The following SIRT4 variants were observed in gnomAD, a reference collection of about 807,000 sequenced individuals.
SIRT4 encodes the protein sirtuin 4, also known as NAD-dependent protein lipoamidase sirtuin-4, mitochondrial.
Under a neutral mutation model 26.1 loss-of-function variants are expected in SIRT4, and 23 were observed. The observed-to-expected ratio is 0.88, with a 90% CI of 0.63 to 1.25. The LOEUF is 1.25. SIRT4 is among the 50% of genes most tolerant of loss of function. The probability of loss-of-function intolerance (pLI) is 0.00; values close to 1 mark genes in which losing one functional copy is unlikely to be tolerated. For missense variants in SIRT4, 361 were observed against 405.4 expected (o/e 0.89, Z 0.94); for synonymous variants, 155 against 158.4 (o/e 0.98, Z 0.16).
upstream of SIRT4, among the ~76,000 whole-genome samples, chr12:120,300,237 A>G (rs1872495969): frequency 6.6e-6 from 1 of 151,790 alleles, no homozygotes; most frequent in African/African-American, 2.4e-5. Flanking sequence ...AACTGCAGTG[A>G]GCTGTGATGT....
intron 2 of SIRT4, among the ~76,000 whole-genome samples, chr12:120,311,735 C>CAA (rs10612543): frequency 5.4e-5 from 3 of 55,076 alleles, no homozygotes; most frequent in Non-Finnish European, 8.9e-5. Flanking sequence ...AACTTGCTCT[C>CAA]AAAAAAAAAA....
In SIRT4 at chr12:120,303,847, G is replaced by C; in HGVS notation, c.286G>C (p.Val96Leu). Residue 96 changes from valine (V) to leucine (L), a missense_variant, in exon 2 of 4, where the codon GTC becomes CTC. By Grantham distance (32) the Val-to-Leu change is conservative. Coordinates refer to ENST00000202967, the MANE Select transcript of SIRT4 (RefSeq NM_012240.3). Reference protein sequence around the residue: ...DRRPIQHGDFVRSAPIRQRYW... With the variant: ...DRRPIQHGDFLRSAPIRQRYW... ...CAGGCCCATCCAGCATGGTGATTTT[G>C]TCCGGAGTGCCCCAATCCGCCAGCG... 1 of 1,614,176 alleles carries C rather than the reference G, an allele frequency of 6.2e-7. No homozygotes were observed. Among genetic ancestry groups the C allele is most frequent in the Non-Finnish European group, 8.5e-7 (1 of 1,180,020 alleles).
At chr12:120,308,186 T>G (rs1872819116) in intron 2 of SIRT4, among the ~76,000 whole-genome samples, 2 of 102,928 alleles carry the variant, frequency 1.9e-5, no homozygotes, top group Non-Finnish European at 4.2e-5. Flanking sequence ...TTTTTTTTTT[T>G]GAAACACAGT....
the SIRT4 span, chr12:120,291,865 T>C: frequency 4.6e-5 from 7 of 152,286 alleles, no homozygotes; most frequent in African/African-American, 1.4e-4. Context: ...GCGCCTCGGA[T>C]AAACCTCATT....
chr12:120,309,343 CTG>C (rs1872865692), intron 2 of SIRT4, among the ~76,000 whole-genome samples: 1 of 151,884 alleles, frequency 6.6e-6, no homozygotes, highest in Non-Finnish European at 1.5e-5. Flanking sequence ...TTTATCCATT[CTG>C]TCTCTTCTTA....
intron 1 of SIRT4, among the ~76,000 whole-genome samples, chr12:120,303,238 G>A (rs1259224528): frequency 1.3e-5 from 2 of 151,904 alleles, no homozygotes; most frequent in African/African-American, 4.8e-5. Flanking sequence ...CCAGCACGTT[G>A]GGAGGCCGAG....
intron 2 of SIRT4, among the ~76,000 whole-genome samples, chr12:120,307,573 T>C (rs1368221432): frequency 6.6e-6 from 1 of 151,906 alleles, no homozygotes; most frequent in Non-Finnish European, 1.5e-5. Context: ...AAAAATAACA[T>C]AATTGGCCGG....
chr12:120,295,217 C>CTTT, the SIRT4 span, among the ~76,000 whole-genome samples: 6 of 134,806 alleles, frequency 4.5e-5, no homozygotes, highest in African/African-American at 8.2e-5. Flanking sequence ...TTCTGTTTTC[C>CTTT]TTTTTTTTTT....
At chr12:120,303,476 A>T (rs1872616701) in intron 1 of SIRT4, 85 bp from the exon 2 acceptor site, 3 of 1,482,814 alleles carry the variant, frequency 2.0e-6, no homozygotes, top group Non-Finnish European at 2.7e-6. Flanking sequence ...CTCTGTCTCA[A>T]AAAACAAAAC....
rs184496260 is a variant in SIRT4, at chr12:120,313,186, G to C, written c.*150G>C. The C allele has an allele frequency of 3.8e-6, 3 of 798,084 alleles. No homozygotes were observed. The highest frequency in any genetic ancestry group is 6.0e-6 in the Non-Finnish European group (3 of 502,586). The allele number at this position is 798,084 out of a possible 1,614,324, so 49.4% of individuals were successfully genotyped here. On this transcript the variant is annotated 3_prime_UTR_variant, in exon 4 of 4. Coordinates refer to ENST00000202967, the MANE Select transcript of SIRT4 (RefSeq NM_012240.3). Reference sequence around the variant, plus strand: ...TATAGAAGGTTCTAGGTATCTTAATGTGTGGATATTCTTAATTAAAACTCA... The same window carrying C: ...TATAGAAGGTTCTAGGTATCTTAATCTGTGGATATTCTTAATTAAAACTCA...
chr12:120,308,794 A>C (rs1872844854), intron 2 of SIRT4, among the ~76,000 whole-genome samples: 1 of 152,182 alleles, frequency 6.6e-6, no homozygotes, highest in Non-Finnish European at 1.5e-5. Context: ...TAAAAAGAGC[A>C]GGTCAGGGAG....
upstream of SIRT4, among the ~76,000 whole-genome samples, chr12:120,299,295 T>C (rs572971479): frequency 6.6e-6 from 1 of 151,586 alleles, no homozygotes; most frequent in Non-Finnish European, 1.5e-5. Flanking sequence ...CTCACTCCTG[T>C]AATCCTAGCA....
At chr12:120,304,424 C>A (rs925306197) in intron 2 of SIRT4, among the ~76,000 whole-genome samples, 1 of 151,792 alleles carries the variant, frequency 6.6e-6, no homozygotes, top group Non-Finnish European at 1.5e-5. Flanking sequence ...CTGAGGTGGG[C>A]AGATCACATG....
Position 120,313,119 on chromosome 12 carries a change from G to C in SIRT4, c.*83G>C. The C allele has an allele frequency of 1.3e-6, 2 of 1,517,014 alleles. No individual in the cohort carries two copies. The highest frequency in any genetic ancestry group is 1.8e-6 in the Non-Finnish European group (2 of 1,099,264). 94.0% of individuals were successfully genotyped at this position (1,517,014 alleles called of 1,614,324 possible). On this transcript the variant is annotated 3_prime_UTR_variant, in exon 4 of 4. Coordinates refer to ENST00000202967, the MANE Select transcript of SIRT4 (RefSeq NM_012240.3). ...AATGTAAATGCCTTCTCAAATGACAGATTCCAGTTCCCATTCAACAGAGTA... is the reference window on the plus strand; with the variant it reads ...AATGTAAATGCCTTCTCAAATGACACATTCCAGTTCCCATTCAACAGAGTA...
chr12:120,293,099 T>A, the SIRT4 span: 1 of 152,096 alleles, frequency 6.6e-6, no homozygotes, highest in South Asian at 2.1e-4. Context: ...AAATTCAGTC[T>A]CCGTAGAGAC....
chr12:120,301,188 T>TA (rs927440538), upstream of SIRT4, among the ~76,000 whole-genome samples: 2 of 151,630 alleles, frequency 1.3e-5, no homozygotes, highest in African/African-American at 4.9e-5. Flanking sequence ...CTACTAAAAA[T>TA]AAAAAAATTA....
At chr12:120,297,872 A>G (rs1872389381), upstream of SIRT4, among the ~76,000 whole-genome samples, 1 of 152,164 alleles carries the variant, frequency 6.6e-6, no homozygotes, top group African/African-American at 2.4e-5. Flanking sequence ...GTGCTGGATT[A>G]TAATTTTTAA....
rs201713338 is a variant in SIRT4, at chr12:120,303,706, C to T, written c.145C>T (p.Arg49Cys). ...LDPEKVKELQ[R>C]FITLSKRLLV... ...CCCTGAGAAGGTCAAAGAGTTACAG[C>T]GCTTCATCACCCTTTCCAAGAGACT... Residue 49 changes from arginine to cysteine, a missense_variant, in exon 2 of 4, where the codon CGC becomes TGC. Arg to Cys is a radical substitution (Grantham distance 180). Transcript: ENST00000202967. The T allele has an allele frequency of 7.4e-6, 12 of 1,614,116 alleles. No individual in the cohort carries two copies. The highest frequency in any genetic ancestry group is 1.3e-5 in the African/African-American group (1 of 75,036).
At chr12:120,298,931 A>ATAAAT (rs1555327999), upstream of SIRT4, among the ~76,000 whole-genome samples, 4 of 135,458 alleles carry the variant, frequency 3.0e-5, no homozygotes, top group African/African-American at 8.4e-5. Flanking sequence ...AAATAAATAA[A>ATAAAT]TAAATAAATA....
Sources: gnomAD v4.1 joint callset for allele counts (sites outside exome capture counted in the v4.1 genomes callset) on GRCh38, gnomAD v4.1.1 for gene constraint, MANE v1.5 for transcripts, NCBI Gene and HGNC (gene_info 2026-07-23, HGNC 2026-07-21) for gene names.